Variants in KLF12 observed in about 807,000 individuals in gnomAD.
The protein encoded by KLF12 is KLF transcription factor 12.
Under a neutral mutation model 37.8 loss-of-function variants are expected in KLF12, and 9 were observed. The observed-to-expected ratio is 0.24, with a 90% confidence interval of 0.14 to 0.42. The LOEUF is 0.42. Among genes scored for constraint, KLF12 ranks in the 10% least tolerant of loss-of-function variants. KLF12 has a pLI of 1.00. For missense variants in KLF12, 411 were observed against 516.0 expected (o/e 0.80, Z 1.97); for synonymous variants, 208 against 202.1 (o/e 1.03, Z -0.25).
intron 4 of KLF12, among the ~76,000 whole-genome samples, chr13:73,830,226 G>A (rs954225921): frequency 6.6e-6 from 1 of 152,150 alleles, no homozygotes; most frequent in Non-Finnish European, 1.5e-5. Context: ...TGATAAATGG[G>A]TAATGATCTA....
intron 4 of KLF12, among the ~76,000 whole-genome samples, chr13:73,826,631 T>A (rs1883857568): frequency 6.6e-6 from 1 of 152,196 alleles, no homozygotes; most frequent in Admixed American, 6.5e-5. Context: ...AATTCCTATT[T>A]TGTTTCCTTC....
chr13:73,739,028 A>G (rs1266560559), intron 6 of KLF12, among the ~76,000 whole-genome samples: 1 of 152,144 alleles, frequency 6.6e-6, no homozygotes, highest in Non-Finnish European at 1.5e-5. Context: ...TGAAGTCAGC[A>G]GTTTAAGAAC....
intron 4 of KLF12, among the ~76,000 whole-genome samples, chr13:73,835,161 C>T (rs1884366088): frequency 2.7e-5 from 4 of 150,616 alleles, no homozygotes; most frequent in Admixed American, 2.7e-4. Flanking sequence ...GTCTCGAATT[C>T]AGGTTTGAGT....
At chr13:74,007,926 C>T (rs898160747) in intron 1 of KLF12, among the ~76,000 whole-genome samples, 3 of 149,386 alleles carry the variant, frequency 2.0e-5, no homozygotes, top group African/African-American at 7.4e-5. Context: ...AAACCAGTTA[C>T]AAAAGTGCAC....
chr13:74,131,618 G>A (rs956216102), intron 1 of KLF12, among the ~76,000 whole-genome samples: 1 of 152,122 alleles, frequency 6.6e-6, no homozygotes, highest in South Asian at 2.1e-4. Context: ...GTAATAAAAA[G>A]CATTCCACAA....
chr13:74,196,322 CAGG>C, the KLF12 span, among the ~76,000 whole-genome samples: 1 of 152,142 alleles, frequency 6.6e-6, no homozygotes, highest in East Asian at 1.9e-4. Context: ...GGAGCACCAG[CAGG>C]AGATCAGAAG....
chr13:74,164,935 T>C, the KLF12 span, among the ~76,000 whole-genome samples: 1 of 152,118 alleles, frequency 6.6e-6, no homozygotes, highest in South Asian at 2.1e-4. Context: ...GTAGGGGTGG[T>C]TAATGTGTAC....
chr13:74,296,139 C>CT, the KLF12 span, among the ~76,000 whole-genome samples: 320 of 145,460 alleles, frequency 2.2e-3, no homozygotes, highest in East Asian at 4.8e-3. Context: ...TTTTGTAGCA[C>CT]TTTTTTTTTT....
chr13:74,298,101 G>C, the KLF12 span, among the ~76,000 whole-genome samples: 1 of 152,206 alleles, frequency 6.6e-6, no homozygotes, highest in Non-Finnish European at 1.5e-5. Context: ...TCTGGTAGCA[G>C]AGTCAATGTA....
intron 1 of KLF12, among the ~76,000 whole-genome samples, chr13:74,071,378 C>T (rs1301511645): frequency 6.6e-6 from 1 of 151,916 alleles, no homozygotes; most frequent in East Asian, 1.9e-4. Context: ...TTTTTTAAAA[C>T]TTCATCAAGT....
At chr13:73,756,318 G>T (rs1048779267) in intron 6 of KLF12, among the ~76,000 whole-genome samples, 1 of 152,088 alleles carries the variant, frequency 6.6e-6, no homozygotes, top group Non-Finnish European at 1.5e-5. Context: ...CAATAACTAC[G>T]TATGTTTGGT....
the KLF12 span, among the ~76,000 whole-genome samples, chr13:74,164,999 G>T: frequency 6.6e-6 from 1 of 152,072 alleles, no homozygotes; most frequent in Non-Finnish European, 1.5e-5. Context: ...GCACAACAGG[G>T]TGACTACAGT....
chr13:74,202,650 G>A, the KLF12 span, among the ~76,000 whole-genome samples: 1 of 152,090 alleles, frequency 6.6e-6, no homozygotes, highest in African/African-American at 2.4e-5. Flanking sequence ...GCTTCACTCA[G>A]CATGTCTGCT....
intron 1 of KLF12, among the ~76,000 whole-genome samples, chr13:74,113,786 T>A (rs1375242602): frequency 6.6e-6 from 1 of 152,240 alleles, no homozygotes; most frequent in Non-Finnish European, 1.5e-5. Context: ...TGTAAAGATA[T>A]ACTTGCCATA....
At chr13:74,076,179 T>G (rs1164090302) in intron 1 of KLF12, among the ~76,000 whole-genome samples, 2 of 152,226 alleles carry the variant, frequency 1.3e-5, no homozygotes, top group African/African-American at 4.8e-5. Context: ...CTATTATATT[T>G]TTTAAAAGAA....
At chr13:74,235,270 T>C in the KLF12 span, among the ~76,000 whole-genome samples, 1 of 152,200 alleles carries the variant, frequency 6.6e-6, no homozygotes, top group African/African-American at 2.4e-5. Flanking sequence ...GTGCTATTTG[T>C]AGTAGGTGCC....
At chr13:73,735,968 T>TTA (rs1233559694) in intron 6 of KLF12, among the ~76,000 whole-genome samples, 7 of 151,850 alleles carry the variant, frequency 4.6e-5, no homozygotes, top group Admixed American at 1.3e-4. Context: ...TTTTTTTTTT[T>TTA]ACCTGCTTCA....
the KLF12 span, among the ~76,000 whole-genome samples, chr13:74,186,560 A>T: frequency 2.0e-5 from 3 of 152,146 alleles, no homozygotes; most frequent in Non-Finnish European, 4.4e-5. Flanking sequence ...AGGTTTAGAG[A>T]CACATCATCT....
At chr13:74,045,917 T>C (rs548209668) in intron 1 of KLF12, among the ~76,000 whole-genome samples, 10 of 152,244 alleles carry the variant, frequency 6.6e-5, no homozygotes, top group East Asian at 1.9e-4. Context: ...AATTATCTTA[T>C]TGATTTTTAT....
Sources: gnomAD v4.1 joint callset for allele counts (sites outside exome capture counted in the v4.1 genomes callset) on GRCh38, gnomAD v4.1.1 for gene constraint, MANE v1.5 for transcripts, NCBI Gene and HGNC (gene_info 2026-07-23, HGNC 2026-07-21) for gene names.